Variants in CHL1 observed in about 807,000 individuals in gnomAD.
CHL1 encodes cell adhesion molecule L1 like, also known as neural cell adhesion molecule L1-like protein.
Under a neutral mutation model 141.9 loss-of-function variants are expected in CHL1, and 96 were observed. The observed-to-expected ratio is 0.68, with a 90% CI of 0.57 to 0.80. The LOEUF (loss-of-function observed/expected upper bound fraction) is 0.80, where lower values mean the gene tolerates loss of function less well. Among genes scored for constraint, CHL1 ranks in the 30% least tolerant of loss-of-function variants. The pLI is 0.00. For missense variants in CHL1, 1,820 were observed against 1,457.2 expected (o/e 1.25, Z -4.05); for synonymous variants, 613 against 502.2 (o/e 1.22, Z -2.95).
intron 5 of CHL1, among the ~76,000 whole-genome samples, chr3:338,070 T>C (rs1702068932): frequency 6.6e-6 from 1 of 152,270 alleles, no homozygotes; most frequent in African/African-American, 2.4e-5. Flanking sequence ...TTCACCATGT[T>C]AGCCAGGATG....
chr3:391,091 T>G lies in CHL1; in HGVS notation c.2723T>G (p.Val908Gly). ...GCCTTTAGTGAATTTCATTTAACAGTCTTAGCCTATAACTCTAAAGGAGCT... is the reference window on the plus strand; with the variant it reads ...GCCTTTAGTGAATTTCATTTAACAGGCTTAGCCTATAACTCTAAAGGAGCT... Reference protein sequence around the residue: ...LDAFSEFHLTVLAYNSKGAGP... With the variant: ...LDAFSEFHLTGLAYNSKGAGP... The change falls in exon 22 of 28, where the codon GTC (valine) becomes GGC (glycine). Residue 908 changes from valine to glycine, a missense_variant. Val to Gly is a moderately radical substitution (Grantham distance 109, BLOSUM62 -3). Coordinates refer to ENST00000256509, the MANE Select transcript of CHL1 (RefSeq NM_006614.4). 2.5e-6 allele frequency: 4 copies of G among 1,613,976 alleles called. No homozygotes were observed. The South Asian group carries it at 4.4e-5, about 18-fold the overall frequency.
At chr3:377,628 T>C (rs950494394) in intron 15 of CHL1, among the ~76,000 whole-genome samples, 190 bp from the exon 16 acceptor site, 6 of 152,234 alleles carry the variant, frequency 3.9e-5, no homozygotes, top group Admixed American at 2.0e-4. Context: ...ATGTAGACAG[T>C]TGTGTATGCT....
chr3:383,329 A>C (rs981135526), intron 18 of CHL1, among the ~76,000 whole-genome samples: 3 of 152,186 alleles, frequency 2.0e-5, no homozygotes, highest in Admixed American at 6.5e-5. Context: ...ATCTAAAAAT[A>C]TTCATGACTA....
rs1268096313 is a variant in CHL1 at position 331,082 on chromosome 3, A to G, written c.385+2728A>G. Among the ~76,000 whole-genome samples the G allele has an allele frequency of 2.0e-5, 3 of 152,192 alleles. No homozygotes were observed. In the South Asian group the frequency reaches 6.2e-4, roughly 32 times the overall value. On this transcript the variant is annotated intron_variant, in intron 5 of 27. Transcript: ENST00000256509. The stretch of plus-strand genomic sequence containing the variant: ...TCATATAAAAATCATCTCAGAGTGG[A>G]TAAAAGGCTGAACAGTGAAAGGAAA...
At chr3:348,781 A>C (rs1702982213) in intron 9 of CHL1, among the ~76,000 whole-genome samples, 1 of 152,202 alleles carries the variant, frequency 6.6e-6, no homozygotes, top group South Asian at 2.1e-4. Context: ...TCCAGGAGGC[A>C]GTATCTGTGC....
intron 26 of CHL1, among the ~76,000 whole-genome samples, chr3:400,547 T>C (rs1202764334): frequency 2.7e-5 from 4 of 150,356 alleles, no homozygotes; most frequent in Non-Finnish European, 5.9e-5. Context: ...CTGCATGTAG[T>C]CGTAAAATGT....
intron 2 of CHL1, among the ~76,000 whole-genome samples, chr3:252,038 A>C (rs1693732834): frequency 6.6e-6 from 1 of 152,032 alleles, no homozygotes; most frequent in East Asian, 1.9e-4. Context: ...ATAAGGTTAA[A>C]CTTTCCAACC....
intron 11 of CHL1, among the ~76,000 whole-genome samples, chr3:359,440 T>A (rs1295136516): frequency 1.3e-5 from 2 of 151,936 alleles, no homozygotes; most frequent in African/African-American, 2.4e-5. Flanking sequence ...CTAGCTGGGG[T>A]TACAGGAGTG....
At chr3:243,402 C>A (rs574256748) in intron 1 of CHL1, among the ~76,000 whole-genome samples, 1 of 152,150 alleles carries the variant, frequency 6.6e-6, no homozygotes, top group South Asian at 2.1e-4. Flanking sequence ...AATGCAGTTT[C>A]ATGCATGGTT....
chr3:210,432 G>C (rs1206965738), intron 1 of CHL1, among the ~76,000 whole-genome samples: 1 of 152,204 alleles, frequency 6.6e-6, no homozygotes, highest in Non-Finnish European at 1.5e-5. Flanking sequence ...GGTGGCCCCA[G>C]GATGGCTTCC....
intron 1 of CHL1, among the ~76,000 whole-genome samples, chr3:202,152 G>A (rs2125327900): frequency 6.6e-6 from 1 of 152,276 alleles, no homozygotes; most frequent in African/African-American, 2.4e-5. Flanking sequence ...CTTTAGAAAC[G>A]GGGAAATAGC....
chr3:337,825 A>G (rs1224300449), intron 5 of CHL1, among the ~76,000 whole-genome samples: 1 of 152,196 alleles, frequency 6.6e-6, no homozygotes, highest in African/African-American at 2.4e-5. Flanking sequence ...TAGTGACACA[A>G]TAAACATATG....
intron 3 of CHL1, among the ~76,000 whole-genome samples, chr3:324,246 G>A (rs1405892489): frequency 6.6e-6 from 1 of 152,070 alleles, no homozygotes; most frequent in African/African-American, 2.4e-5. Flanking sequence ...GGCCTCATTT[G>A]CAACTCTACT....
At chr3:362,153 G>C (rs559642093) in intron 13 of CHL1, among the ~76,000 whole-genome samples, 287 of 152,232 alleles carry the variant, frequency 1.9e-3, no homozygotes, top group Non-Finnish European at 3.3e-3. Context: ...GTTGTTTTGG[G>C]ATTATCTAAA....
intron 2 of CHL1, among the ~76,000 whole-genome samples, chr3:254,109 A>C (rs1043116489): frequency 4.6e-5 from 7 of 152,196 alleles, no homozygotes; most frequent in African/African-American, 1.7e-4. Context: ...TCCAGTAGCT[A>C]GCACTTAACA....
At chr3:203,053 G>T (rs982878701) in intron 1 of CHL1, among the ~76,000 whole-genome samples, 2 of 152,160 alleles carry the variant, frequency 1.3e-5, no homozygotes, top group Non-Finnish European at 2.9e-5. Flanking sequence ...GAGAGTTATT[G>T]TTTTTGGACT....
intron 2 of CHL1, among the ~76,000 whole-genome samples, chr3:261,955 G>T (rs557336883): frequency 1.4e-5 from 2 of 140,604 alleles, no homozygotes; most frequent in African/African-American, 5.5e-5. Flanking sequence ...TCACAGGGCA[G>T]GATTCACACG....
At chr3:398,680 C>T (rs550849317) in intron 25 of CHL1, among the ~76,000 whole-genome samples, 2 of 152,268 alleles carry the variant, frequency 1.3e-5, no homozygotes, top group African/African-American at 2.4e-5. Flanking sequence ...CAAAAACCAC[C>T]GGTCTCCATG....
chr3:389,338 A>T lies in CHL1; in HGVS notation c.2334A>T (p.Glu778Asp). Residue 778 changes from glutamate to aspartate, a missense_variant, in exon 20 of 28, where the codon GAA becomes GAT. Coordinates refer to ENST00000256509, the MANE Select transcript of CHL1 (RefSeq NM_006614.4). Reference protein sequence around the residue: ...KPQGAPVEWEEETVTNHTLRV... With the variant: ...KPQGAPVEWEDETVTNHTLRV... ...AGGGAGCCCCAGTGGAGTGGGAAGAAGAAACAGTCACAAACCACACATTGC... is the reference window on the plus strand; with the variant it reads ...AGGGAGCCCCAGTGGAGTGGGAAGATGAAACAGTCACAAACCACACATTGC... 6.2e-7 allele frequency: 1 copy of T among 1,614,202 alleles called. No individual in the cohort carries two copies. The highest frequency in any genetic ancestry group is 8.5e-7 in the Non-Finnish European group (1 of 1,180,022).
Sources: allele counts gnomAD v4.1 joint callset (sites outside exome capture counted in the v4.1 genomes callset), GRCh38; gene constraint gnomAD v4.1.1; transcripts MANE v1.5; gene names NCBI Gene and HGNC (gene_info 2026-07-23, HGNC 2026-07-21).